The following VAV2 variants were observed in gnomAD, a reference collection of about 807,000 sequenced individuals.
VAV2 encodes the protein vav guanine nucleotide exchange factor 2.
VAV2 carries 67 observed loss-of-function variants against 132.5 expected under a neutral mutation model. That is an observed-to-expected ratio of 0.51 (90% CI 0.42 to 0.62). VAV2 has a LOEUF of 0.62. VAV2 is among the 20% of genes least tolerant of loss of function. The probability of loss-of-function intolerance (pLI) is 0.00; values close to 1 mark genes in which losing one functional copy is unlikely to be tolerated. For synonymous variants in VAV2, 492 were observed against 443.5 expected, an observed-to-expected ratio of 1.11 and a Z score of -1.37; for missense variants, 938 against 1,153.6, an observed-to-expected ratio of 0.81 and a Z score of 2.71.
At chr9:133,841,104 C>A (rs1836703795) in intron 3 of VAV2, among the ~76,000 whole-genome samples, 1 of 152,228 alleles carries the variant, frequency 6.6e-6, no homozygotes, top group Non-Finnish European at 1.5e-5. Context: ...CCTTCCCAGG[C>A]AGGTAGCAGG....
rs917256848 is a variant in VAV2, at chr9:133,769,725, C to T, written c.2348-222G>A. Among the ~76,000 whole-genome samples, 6 of 152,210 alleles carry T rather than the reference C, an allele frequency of 3.9e-5. No individual in the cohort carries two copies. Among genetic ancestry groups the T allele is most frequent in the Non-Finnish European group, 8.8e-5 (6 of 68,024 alleles). The stretch of plus-strand genomic sequence containing the variant: ...TGAGCTACCCTGGAACCACTCTATG[C>T]ACCCGTGTACTCGAGAGCAAATTGG... On this transcript the variant is annotated intron_variant, in intron 27 of 29. Transcript: ENST00000371850. The surrounding 1 kb of genome is among the most constrained non-coding windows in gnomAD (Gnocchi z 8.1).
At chr9:133,847,436 G>A (rs1210677054) in intron 3 of VAV2, among the ~76,000 whole-genome samples, 1 of 152,214 alleles carries the variant, frequency 6.6e-6, no homozygotes, top group Non-Finnish European at 1.5e-5. Flanking sequence ...CTCCCCACCA[G>A]CAACCCTAAA....
chr9:133,857,036 G>A lies in VAV2; in HGVS notation c.380+4338C>T, dbSNP rs144634690. ...CTCCCAGCCTACAGAAGAGACAAAG[G>A]TTCCAAGAGCATCCCTGCCCAAGGT... On this transcript the variant is annotated intron_variant, in intron 3 of 29. Coordinates refer to ENST00000371850, the MANE Select transcript of VAV2 (RefSeq NM_001134398.2). The surrounding 1 kb of genome is among the most constrained non-coding windows in gnomAD (Gnocchi z 4.0). Among the ~76,000 whole-genome samples, 2 of 152,162 alleles carry A rather than the reference G, an allele frequency of 1.3e-5. No homozygotes were observed. Among genetic ancestry groups the A allele is most frequent in the Non-Finnish European group, 2.9e-5 (2 of 68,038 alleles).
intron 1 of VAV2, among the ~76,000 whole-genome samples, chr9:133,976,723 A>G (rs2506685): frequency 0.96 from 146,925 of 152,300 alleles, 71,104 homozygotes; most frequent in East Asian, 1. Context: ...ACGTTTTAAG[A>G]GAATCACGTG....
chr9:133,788,509 G>C lies in VAV2; in HGVS notation c.1275-23C>G, dbSNP rs746137762. ...TACCTGGGCCAGGCAGCGCAGCGGG[G>C]GATCAGCACCCCAGCACTGTGTGCT... On this transcript the variant is annotated intron_variant, in intron 14 of 29. Coordinates refer to ENST00000371850, the MANE Select transcript of VAV2 (RefSeq NM_001134398.2). The surrounding 1 kb of genome is among the most constrained non-coding windows in gnomAD (Gnocchi z 5.3). 9.1e-5 allele frequency: 146 copies of C among 1,600,340 alleles called. No individual in the cohort carries two copies. Among genetic ancestry groups the C allele is most frequent in the Non-Finnish European group, 1.1e-4 (134 of 1,169,396 alleles).
intron 11 of VAV2, among the ~76,000 whole-genome samples, chr9:133,796,014 G>C (rs879650303): frequency 1.3e-5 from 2 of 152,212 alleles, no homozygotes; most frequent in African/African-American, 4.8e-5. Context: ...AAAGCAAGGC[G>C]CTGTGCCAGC....
At chr9:133,828,853 ACTC>A (rs2131761126) in intron 4 of VAV2, among the ~76,000 whole-genome samples, 1 of 151,552 alleles carries the variant, frequency 6.6e-6, no homozygotes, top group South Asian at 2.1e-4. Flanking sequence ...ACCCTGCACA[ACTC>A]CTCCTGCTGG....
intron 8 of VAV2, 67 bp from the exon 9 acceptor site, chr9:133,806,248 T>C: frequency 2.0e-6 from 3 of 1,471,052 alleles, no homozygotes; most frequent in Non-Finnish European, 2.8e-6. Flanking sequence ...GCGCCGCCCT[T>C]AAAGTGCCCT....
At chr9:133,963,510 G>A (rs1281042805) in intron 1 of VAV2, among the ~76,000 whole-genome samples, 1 of 152,222 alleles carries the variant, frequency 6.6e-6, no homozygotes, top group Non-Finnish European at 1.5e-5. Context: ...CGTGCCGACA[G>A]GCAGCTCTCA....
intron 2 of VAV2, among the ~76,000 whole-genome samples, chr9:133,936,930 A>T (rs2132127331): frequency 6.6e-6 from 1 of 152,348 alleles, no homozygotes; most frequent in South Asian, 2.1e-4. Flanking sequence ...ACTGGAAACC[A>T]TGGACGATGA....
At chr9:133,895,379 T>G (rs1234876425) in intron 2 of VAV2, among the ~76,000 whole-genome samples, 1 of 152,164 alleles carries the variant, frequency 6.6e-6, no homozygotes, top group African/African-American at 2.4e-5. Context: ...CATCTATAAT[T>G]ACCCTGCAAA....
chr9:133,912,823 A>G lies in VAV2; in HGVS notation c.321+26280T>C, dbSNP rs1420470708. Among the ~76,000 whole-genome samples, 1 of 152,114 alleles carries G rather than the reference A, an allele frequency of 6.6e-6. No individual in the cohort carries two copies. The highest frequency in any genetic ancestry group is 2.4e-5 in the African/African-American group (1 of 41,390). ...GTCCTGTCCTCGTTCCGTCCCTCTA[A>G]AATCAGAGTCGTCCTGTGAGCCAGT... is the stretch of plus-strand genomic sequence containing the variant. On this transcript the variant is annotated intron_variant, in intron 2 of 29. Coordinates refer to ENST00000371850, the MANE Select transcript of VAV2 (RefSeq NM_001134398.2). This position sits in a 1 kb window ranked among gnomAD's most constrained non-coding sequence, Gnocchi z 4.3.
Position 133,803,311 on chromosome 9 carries a change from C to T in VAV2, c.836+2770G>A, listed in dbSNP as rs938424042. Among the ~76,000 whole-genome samples, 7 of 152,296 alleles carry T rather than the reference C, an allele frequency of 4.6e-5. 1 individual carries two copies. The highest frequency in any genetic ancestry group is 6.8e-3 in the Middle Eastern group (2 of 294). On this transcript the variant is annotated intron_variant, in intron 9 of 29. Transcript: ENST00000371850. ...AGAGAGCTCCTCTTGAAAGCCAGTT[C>T]GTGGCCTTCCTGCAGGGCTGCCAGC...
At chr9:133,829,703 A>G (rs962330705) in intron 4 of VAV2, among the ~76,000 whole-genome samples, 3 of 152,100 alleles carry the variant, frequency 2.0e-5, no homozygotes, top group African/African-American at 7.2e-5. Flanking sequence ...GACAGGATCT[A>G]TGTTGCCCAG....
chr9:133,963,996 G>A (rs763033013), intron 1 of VAV2, among the ~76,000 whole-genome samples: 25 of 132,694 alleles, frequency 1.9e-4, no homozygotes, highest in Admixed American at 4.9e-4. Context: ...AAGAAGACTA[G>A]TAAACTTTAA....
intron 1 of VAV2, among the ~76,000 whole-genome samples, chr9:133,978,507 G>A (rs995531871): frequency 2.6e-5 from 4 of 152,246 alleles, no homozygotes; most frequent in African/African-American, 9.6e-5. Context: ...GCGTGTTCGC[G>A]CTGCCTTTGA....
chr9:133,967,651 G>T (rs1814514235), intron 1 of VAV2, among the ~76,000 whole-genome samples: 1 of 152,150 alleles, frequency 6.6e-6, no homozygotes, highest in African/African-American at 2.4e-5. Context: ...TATCATATGG[G>T]CCGGGTGCAG....
chr9:133,805,878 G>A (rs1289830272), intron 9 of VAV2, among the ~76,000 whole-genome samples: 1 of 152,190 alleles, frequency 6.6e-6, no homozygotes, highest in Non-Finnish European at 1.5e-5. Flanking sequence ...GCTCCCACAG[G>A]ACAGGAGGCT....
At position 133,763,901 on chromosome 9, in the gene VAV2, G is replaced by C. The variant is rs558805178; in HGVS notation, c.*161C>G. The C allele has an allele frequency of 6.0e-6, 5 of 831,726 alleles. No homozygotes were observed. The East Asian group carries it at 1.3e-4, about 22-fold the overall frequency. The allele number at this position is 831,726 out of a possible 1,614,324, so 51.5% of individuals were successfully genotyped here. A position where few individuals can be genotyped will look rare whatever the true frequency, so the allele number is the denominator to read the frequency against. On this transcript the variant is annotated 3_prime_UTR_variant, in exon 30 of 30. Coordinates refer to ENST00000371850, the MANE Select transcript of VAV2 (RefSeq NM_001134398.2). This position sits in a 1 kb window ranked among gnomAD's most constrained non-coding sequence, Gnocchi z 6.8. ...GCCGAGGGCAGGCTGACAGTGAAAC[G>C]GTTCGAGTTTAGGATTCTCAACACC...
Sources: allele counts gnomAD v4.1 joint callset (sites outside exome capture counted in the v4.1 genomes callset), GRCh38; gene constraint gnomAD v4.1.1; non-coding constraint Gnocchi (gnomAD v3.1); transcripts MANE v1.5; gene names NCBI Gene and HGNC (gene_info 2026-07-23, HGNC 2026-07-21).